PDXDC1: variants seen among roughly 807,000 people sequenced by gnomAD.
PDXDC1 encodes the protein pyridoxal-dependent decarboxylase domain-containing protein 1.
A neutral mutation model predicts 100.1 loss-of-function variants in PDXDC1; 42 were observed. The ratio of observed to expected loss-of-function variants is 0.42; its 90% CI spans 0.33 to 0.54. PDXDC1 has a LOEUF of 0.54. PDXDC1 is among the 20% of genes least tolerant of loss of function. PDXDC1 has a pLI of 0.10. For synonymous variants in PDXDC1, 260 were observed against 371.7 expected, an observed-to-expected ratio of 0.70 and a Z score of 3.46; for missense variants, 636 against 979.2, an observed-to-expected ratio of 0.65 and a Z score of 4.68.
intron 8 of PDXDC1, among the ~76,000 whole-genome samples, chr16:15,010,087 C>T (rs1371769377): frequency 1.3e-5 from 2 of 152,288 alleles, no homozygotes; most frequent in East Asian, 1.9e-4. Context: ...CACTCTGTTG[C>T]CCAGGCTGGA....
rs1200819313 is a variant in PDXDC1, at chr16:15,082,002, A to C, written c.1399+51946A>C. 2.0e-5 allele frequency among the ~76,000 whole-genome samples: 3 copies of C among 152,090 alleles called. No individual in the cohort carries two copies. The East Asian group carries it at 5.8e-4, about 29-fold the overall frequency. On this transcript the variant is annotated intron_variant, in intron 16 of 16. Coordinates refer to the PDXDC1 transcript ENST00000535621. The stretch of plus-strand genomic sequence containing the variant: ...TGCTGAACTCATTTATTATCTCTAA[A>C]ATTTCTTGTGTGTGTGTAAACTCCT...
At chr16:15,134,044 T>A (rs1165999551) in intron 16 of PDXDC1, 1 of 1,568,954 alleles carries the variant, frequency 6.4e-7, no homozygotes, top group East Asian at 2.3e-5. Context: ...AGCACCAGTG[T>A]CTTGTTGCTG....
At chr16:14,974,860 A>G (rs567662521), upstream of PDXDC1, 1 of 1,535,648 alleles carries the variant, frequency 6.5e-7, no homozygotes, top group Admixed American at 2.0e-5. Flanking sequence ...TGTGATTATT[A>G]TACTTCTACC....
chr16:15,005,958 GA>G (rs1974161931), intron 5 of PDXDC1, among the ~76,000 whole-genome samples: 1 of 152,298 alleles, frequency 6.6e-6, no homozygotes, highest in South Asian at 2.1e-4. Context: ...AAAGTGCTGA[GA>G]TTACAGGCGT....
Position 15,037,397 on chromosome 16 carries a change from G to C in PDXDC1, c.*1122G>C, listed in dbSNP as rs994178602. 1.3e-5 allele frequency: 2 copies of C among 152,198 alleles called. No individual in the cohort carries two copies. Among genetic ancestry groups the C allele is most frequent in the Non-Finnish European group, 2.9e-5 (2 of 68,054 alleles). The allele number at this position is 152,198 out of a possible 1,614,324, so 9.4% of individuals were successfully genotyped here. ...GGGTTTCTGGACTGTAGTATTGGAA[G>C]CCTTAGTTATAGTATATTAAGCCTA... On this transcript the variant is annotated 3_prime_UTR_variant, in exon 23 of 23. Transcript: ENST00000396410.
At chr16:15,056,808 A>T (rs1294903951) in intron 16 of PDXDC1, among the ~76,000 whole-genome samples, 1 of 152,126 alleles carries the variant, frequency 6.6e-6, no homozygotes, top group Non-Finnish European at 1.5e-5. Context: ...AACGGTCTTA[A>T]ACTGAGAAAA....
At chr16:15,024,594 G>T (rs1160494195) in intron 13 of PDXDC1, among the ~76,000 whole-genome samples, 2 of 152,224 alleles carry the variant, frequency 1.3e-5, no homozygotes, top group African/African-American at 4.8e-5. Context: ...TGTATTTTTA[G>T]TAGAGATGGG....
the PDXDC1 span, among the ~76,000 whole-genome samples, chr16:15,148,101 C>G: frequency 6.6e-6 from 1 of 151,614 alleles, no homozygotes; most frequent in East Asian, 1.9e-4. Flanking sequence ...GAATCCTCCC[C>G]CCTCAGCCTC....
chr16:15,145,358 G>C, the PDXDC1 span, among the ~76,000 whole-genome samples: 1 of 152,236 alleles, frequency 6.6e-6, no homozygotes, highest in Non-Finnish European at 1.5e-5. Context: ...CACAGTGGAC[G>C]GGCTCACAAC....
chr16:15,094,353 T>TG (rs1424196056), intron 16 of PDXDC1: 2 of 915,528 alleles, frequency 2.2e-6, no homozygotes, highest in South Asian at 1.5e-5. Context: ...CGGCCCCGCG[T>TG]GGGGAGGGCG....
At chr16:15,009,347 G>A (rs2041063822) in intron 7 of PDXDC1, 1 of 397,128 alleles carries the variant, frequency 2.5e-6, no homozygotes. Context: ...TTCTAGTTCA[G>A]GTACATCAGT....
intron 19 of PDXDC1, 36 bp downstream of exon 19, chr16:15,033,435 A>T: frequency 1.2e-6 from 2 of 1,603,742 alleles, no homozygotes; most frequent in Non-Finnish European, 1.7e-6. Context: ...TCCTCTTCTG[A>T]GTTTTGTCCC....
At chr16:14,989,122 C>G in intron 1 of PDXDC1, 1 of 1,614,286 alleles carries the variant, frequency 6.2e-7, no homozygotes, top group Non-Finnish European at 8.5e-7. Context: ...ATCTTCATTT[C>G]CACTCCTGGG....
At chr16:14,979,768 AG>A (rs1440675357) in intron 1 of PDXDC1, among the ~76,000 whole-genome samples, 1 of 152,298 alleles carries the variant, frequency 6.6e-6, no homozygotes, top group Non-Finnish European at 1.5e-5. Context: ...GTTATGCTAG[AG>A]GTTTATAGCA....
At chr16:15,080,827 C>T (rs955923983) in intron 16 of PDXDC1, among the ~76,000 whole-genome samples, 1 of 56,850 alleles carries the variant, frequency 1.8e-5, no homozygotes, top group Admixed American at 2.8e-4. Flanking sequence ...TATGAATCTG[C>T]CTCTTTGACA....
downstream of PDXDC1, among the ~76,000 whole-genome samples, chr16:15,042,605 CTGTTA>C (rs1388502184): frequency 1.3e-5 from 2 of 152,142 alleles, no homozygotes; most frequent in African/African-American, 2.4e-5. Flanking sequence ...ACCAGATTTC[CTGTTA>C]TAAGTAATGT....
At chr16:15,033,502 C>G (rs2043194405) in intron 19 of PDXDC1, 103 bp downstream of exon 19, 2 of 1,311,168 alleles carry the variant, frequency 1.5e-6, no homozygotes, top group Non-Finnish European at 2.2e-6. Flanking sequence ...TGTTCGTTGT[C>G]TCTCAAAGTC....
chr16:15,019,169 GCAGATGAAAT>G (rs1436511918), intron 12 of PDXDC1, among the ~76,000 whole-genome samples: 2 of 152,280 alleles, frequency 1.3e-5, no homozygotes, highest in African/African-American at 4.8e-5. Context: ...GCATTTGTGT[GCAGATGAAAT>G]CAGATGAAAA....
At chr16:15,063,899 C>T (rs1216428139) in intron 16 of PDXDC1, among the ~76,000 whole-genome samples, 1 of 151,992 alleles carries the variant, frequency 6.6e-6, no homozygotes, top group African/African-American at 2.4e-5. Flanking sequence ...CAGTTAGATA[C>T]AGTATATCCA....
Sources: gnomAD v4.1 joint callset for allele counts (sites outside exome capture counted in the v4.1 genomes callset) on GRCh38, gnomAD v4.1.1 for gene constraint, MANE v1.5 for transcripts, NCBI Gene and HGNC (gene_info 2026-07-23, HGNC 2026-07-21) for gene names.